Variants in XRCC6 observed in about 807,000 individuals in gnomAD.
XRCC6 encodes DNA repair protein Ku70.
In XRCC6, 5 loss-of-function variants were observed where a neutral mutation model predicts 65.7. That is an observed-to-expected ratio of 0.08 (90% CI 0.04 to 0.16). The LOEUF (loss-of-function observed/expected upper bound fraction) is 0.16, where lower values mean the gene tolerates loss of function less well. Ranked by LOEUF, XRCC6 falls within the 10% of genes least tolerant of loss-of-function variation. The probability of loss-of-function intolerance (pLI) is 1.00; values close to 1 mark genes in which losing one functional copy is unlikely to be tolerated. For synonymous variants in XRCC6, 270 were observed against 270.6 expected (o/e 1.00, Z 0.02); for missense variants, 447 against 738.1 (o/e 0.61, Z 4.57).
chr22:41,649,975 G>A (rs963553289), intron 7 of XRCC6, among the ~76,000 whole-genome samples: 3 of 152,072 alleles, frequency 2.0e-5, no homozygotes, highest in African/African-American at 4.8e-5. Context: ...GCCGTGAGTC[G>A]AGATTGCGCC....
At chr22:41,647,930 T>C (rs1044327355) in intron 7 of XRCC6, among the ~76,000 whole-genome samples, 3 of 151,854 alleles carry the variant, frequency 2.0e-5, no homozygotes, top group Admixed American at 1.3e-4. Flanking sequence ...AGGAGAGACA[T>C]TGATCAGGCT....
At chr22:41,625,352 A>G (rs1401768824) in intron 2 of XRCC6, among the ~76,000 whole-genome samples, 1 of 152,118 alleles carries the variant, frequency 6.6e-6, no homozygotes, top group East Asian at 1.9e-4. Flanking sequence ...CAGGCCATGC[A>G]CAGTGGCTCA....
intron 9 of XRCC6, 103 bp from the exon 10 acceptor site, chr22:41,656,800 C>G (rs2068049021): frequency 6.5e-7 from 1 of 1,536,604 alleles, no homozygotes; most frequent in Admixed American, 2.1e-5. Context: ...TACGGGGCCC[C>G]AGCCCCAGCA....
chr22:41,638,653 C>T (rs976715243), intron 6 of XRCC6, among the ~76,000 whole-genome samples: 7 of 151,620 alleles, frequency 4.6e-5, no homozygotes, highest in African/African-American at 7.3e-5. Context: ...GACGTGATGG[C>T]GCGCGCCTGT....
At chr22:41,627,566 G>A (rs138821806) in intron 2 of XRCC6, among the ~76,000 whole-genome samples, 1 of 142,848 alleles carries the variant, frequency 7.0e-6, no homozygotes, top group African/African-American at 2.6e-5. Context: ...AGCCGAGATT[G>A]TGCCACTGTA....
intron 7 of XRCC6, among the ~76,000 whole-genome samples, chr22:41,647,331 C>G (rs552312022): frequency 6.6e-6 from 1 of 151,950 alleles, no homozygotes; most frequent in African/African-American, 2.4e-5. Context: ...GCCTGTAATC[C>G]CAGCACTTTG....
intron 7 of XRCC6, among the ~76,000 whole-genome samples, chr22:41,647,923 A>C (rs946966443): frequency 2.6e-5 from 4 of 151,906 alleles, no homozygotes; most frequent in African/African-American, 9.7e-5. Context: ...AACTAGGAGG[A>C]GAGACATTGA....
At chr22:41,632,863 T>C (rs1161307536) in intron 3 of XRCC6, among the ~76,000 whole-genome samples, 1 of 149,538 alleles carries the variant, frequency 6.7e-6, no homozygotes, top group Non-Finnish European at 1.5e-5. Context: ...GCGCGGTGGC[T>C]CATGCCTGTA....
At chr22:41,661,682 T>G in intron 12 of XRCC6, 1 of 454,554 alleles carries the variant, frequency 2.2e-6, no homozygotes, top group South Asian at 2.8e-5. Flanking sequence ...GTTGGGAGTT[T>G]CCTCAAAAAG....
chr22:41,647,264 AATTT>A (rs28384752), intron 7 of XRCC6, among the ~76,000 whole-genome samples, 182 bp downstream of exon 7: 2 of 152,052 alleles, frequency 1.3e-5, no homozygotes, highest in Admixed American at 6.6e-5. Context: ...ACACCCAGCT[AATTT>A]ATTTATTTAT....
chr22:41,622,706 C>T (rs2067622751), intron 2 of XRCC6, among the ~76,000 whole-genome samples: 1 of 151,950 alleles, frequency 6.6e-6, no homozygotes, highest in African/African-American at 2.4e-5. Flanking sequence ...TTTGGGAGGC[C>T]GAGGCGGGCG....
Position 41,657,026 on chromosome 22 carries a change from C to T in XRCC6, c.1415C>T (p.Thr472Ile). The T allele has an allele frequency of 1.3e-6, 2 of 1,577,350 alleles. No homozygotes were observed. Among genetic ancestry groups the T allele is most frequent in the South Asian group, 1.2e-5 (1 of 84,846 alleles). The change falls in exon 10 of 13, where the codon ACA becomes ATA. Residue 472 changes from threonine to isoleucine, a missense_variant. Thr to Ile is a moderately conservative substitution (Grantham distance 89). This residue lies in a region of XRCC6 where 201 missense variants were observed against 374.1 expected (regional missense o/e 0.54). Transcript: ENST00000360079. The stretch of plus-strand genomic sequence containing the variant: ...GCTATCGTTGAGAAGCTTCGCTTCA[C>T]ATACAGGTGAGTCAATCTCAGGCTT... Reference protein sequence around the residue: ...MKAIVEKLRFTYRSDSFENPV... With the variant: ...MKAIVEKLRFIYRSDSFENPV...
chr22:41,629,890 C>T (rs1468732489), intron 3 of XRCC6, among the ~76,000 whole-genome samples: 1 of 151,282 alleles, frequency 6.6e-6, no homozygotes, highest in African/African-American at 2.4e-5. Flanking sequence ...AGGATGGTCT[C>T]AATCTCCTGA....
intron 9 of XRCC6, among the ~76,000 whole-genome samples, chr22:41,655,698 C>CA (rs132782): frequency 0.014 from 1,520 of 108,446 alleles, 14 homozygotes; most frequent in African/African-American, 0.034. Flanking sequence ...GACTCTGTCT[C>CA]AAAAAAAAAA....
intron 3 of XRCC6, among the ~76,000 whole-genome samples, chr22:41,632,568 G>A (rs549808595): frequency 3.3e-5 from 5 of 151,900 alleles, no homozygotes; most frequent in Admixed American, 2.6e-4. Flanking sequence ...CCAGGATCAC[G>A]CCACTGCACT....
chr22:41,649,676 A>G (rs1569093469), intron 7 of XRCC6, among the ~76,000 whole-genome samples: 1 of 151,734 alleles, frequency 6.6e-6, no homozygotes, highest in Non-Finnish European at 1.5e-5. Context: ...AACACAGTGA[A>G]ACCCCATCTC....
chr22:41,627,276 G>C (rs1192443556), intron 2 of XRCC6, among the ~76,000 whole-genome samples: 1 of 152,084 alleles, frequency 6.6e-6, no homozygotes, highest in African/African-American at 2.4e-5. Context: ...GAAACGTAAG[G>C]GGTGGGTGTG....
chr22:41,656,633 C>A (rs1052833033), intron 9 of XRCC6, among the ~76,000 whole-genome samples: 1 of 152,146 alleles, frequency 6.6e-6, no homozygotes, highest in African/African-American at 2.4e-5. Context: ...TTTCAGGTAT[C>A]CTCCCGGGTT....
At chr22:41,655,840 C>T (rs941781761) in intron 9 of XRCC6, among the ~76,000 whole-genome samples, 1 of 151,628 alleles carries the variant, frequency 6.6e-6, no homozygotes, top group Non-Finnish European at 1.5e-5. Context: ...CTGTGCTTAC[C>T]GACGTGAGCC....
Sources: allele counts gnomAD v4.1 joint callset (sites outside exome capture counted in the v4.1 genomes callset), GRCh38; gene constraint gnomAD v4.1.1; regional missense constraint gnomAD v4.1.1; transcripts MANE v1.5; gene names NCBI Gene and HGNC (gene_info 2026-07-23, HGNC 2026-07-21).